RIMS2: variants seen among roughly 807,000 people sequenced by gnomAD.
RIMS2 encodes regulating synaptic membrane exocytosis protein 2.
A neutral mutation model predicts 174.4 loss-of-function variants in RIMS2; 59 were observed. The ratio of observed to expected loss-of-function variants is 0.34; its 90% CI spans 0.27 to 0.42. RIMS2 has a LOEUF of 0.42. Ranked by LOEUF, RIMS2 falls within the 10% of genes least tolerant of loss-of-function variation. RIMS2 has a pLI of 1.00. For synonymous variants in RIMS2, 606 were observed against 572.5 expected, an observed-to-expected ratio of 1.06 and a Z score of -0.84; for missense variants, 1,620 against 1,666.3, an observed-to-expected ratio of 0.97 and a Z score of 0.48.
intron 19 of RIMS2, among the ~76,000 whole-genome samples, chr8:104,123,254 A>T (rs1206606483): frequency 1.3e-5 from 2 of 152,040 alleles, no homozygotes; most frequent in East Asian, 3.9e-4. Flanking sequence ...ATGTATATGT[A>T]GAGGAAATGA....
intron 3 of RIMS2, among the ~76,000 whole-genome samples, chr8:103,834,875 A>G (rs1251569732): frequency 6.6e-6 from 1 of 151,376 alleles, no homozygotes; most frequent in East Asian, 2.0e-4. Context: ...GGCTCAAGCA[A>G]TCCTCTCACC....
At chr8:103,611,781 T>A (rs2095374467) in intron 1 of RIMS2, among the ~76,000 whole-genome samples, 2 of 152,120 alleles carry the variant, frequency 1.3e-5, no homozygotes, top group African/African-American at 4.8e-5. Context: ...TGCTTGGTGT[T>A]CTATAGCCTT....
At position 103,877,974 on chromosome 8, in the gene RIMS2, C is replaced by A. The variant is rs182555894; in HGVS notation, c.699-7324C>A. 4.0e-5 allele frequency among the ~76,000 whole-genome samples: 6 copies of A among 151,560 alleles called. No homozygotes were observed. The Admixed American group carries it at 4.0e-4, about 10-fold the overall frequency. On this transcript the variant is annotated intron_variant, in intron 3 of 23. Coordinates refer to ENST00000504942, the Ensembl canonical transcript of RIMS2. ...CTCTGATATGGTTAGGCTTTGTGTC[C>A]CCACCAAAATCTCATCTTGAATTGT...
intron 1 of RIMS2, among the ~76,000 whole-genome samples, chr8:103,554,766 A>G (rs1424457233): frequency 6.6e-6 from 1 of 152,188 alleles, no homozygotes; most frequent in East Asian, 1.9e-4. Context: ...TCTCAATAGT[A>G]AAGTCATGGA....
chr8:103,543,710 A>G (rs1843589422), intron 1 of RIMS2, among the ~76,000 whole-genome samples: 2 of 152,212 alleles, frequency 1.3e-5, no homozygotes, highest in African/African-American at 4.8e-5. Context: ...TAGTCAATTG[A>G]TCCTTGACAG....
chr8:104,101,269 G>GTT, intron 19 of RIMS2, among the ~76,000 whole-genome samples: 1 of 151,520 alleles, frequency 6.6e-6, no homozygotes, highest in Non-Finnish European at 1.5e-5. Flanking sequence ...TGAGATTACA[G>GTT]GCATGTGCCA....
At chr8:103,622,213 G>A (rs1319749557) in intron 1 of RIMS2, among the ~76,000 whole-genome samples, 2 of 152,008 alleles carry the variant, frequency 1.3e-5, no homozygotes, top group Non-Finnish European at 2.9e-5. Context: ...ATTTTAAGTA[G>A]AGCAACACAT....
At chr8:104,069,109 T>G (rs2154561390) in intron 19 of RIMS2, among the ~76,000 whole-genome samples, 1 of 152,298 alleles carries the variant, frequency 6.6e-6, no homozygotes, top group South Asian at 2.1e-4. Context: ...AACCATTCTG[T>G]TTTTCACTTT....
chr8:103,801,789 G>A (rs376157332), intron 3 of RIMS2, among the ~76,000 whole-genome samples: 17 of 152,078 alleles, frequency 1.1e-4, no homozygotes, highest in African/African-American at 3.9e-4. Flanking sequence ...TTCCTGTAGG[G>A]CATGACTTCA....
chr8:103,834,264 TTTAA>T (rs1368578696), intron 3 of RIMS2, among the ~76,000 whole-genome samples: 5 of 151,988 alleles, frequency 3.3e-5, no homozygotes, highest in African/African-American at 4.8e-5. Flanking sequence ...TAAAATATAA[TTTAA>T]TTGTTTTAAT....
intron 19 of RIMS2, among the ~76,000 whole-genome samples, chr8:104,159,991 T>C (rs945229171): frequency 6.6e-6 from 1 of 151,820 alleles, no homozygotes; most frequent in South Asian, 2.1e-4. Context: ...ATACAAAAAT[T>C]AGGTGGGCAT....
In RIMS2 at chr8:103,587,664, A is replaced by G. The variant is rs537854035; in HGVS notation, c.176+86602A>G. Among the ~76,000 whole-genome samples, 4 of 152,212 alleles carry G rather than the reference A, an allele frequency of 2.6e-5. No homozygotes were observed. The South Asian group carries it at 8.3e-4, about 32-fold the overall frequency. On this transcript the variant is annotated intron_variant, in intron 1 of 23. Coordinates refer to ENST00000504942, the Ensembl canonical transcript of RIMS2. ...CAAGAGAATAAAGGATAAAAACCAT[A>G]TGATCATTTTAATTGATGCTGAAAA... is the stretch of plus-strand genomic sequence containing the variant.
intron 1 of RIMS2, among the ~76,000 whole-genome samples, chr8:103,692,025 C>T (rs796970367): frequency 6.6e-6 from 1 of 152,216 alleles, no homozygotes; most frequent in African/African-American, 2.4e-5. Flanking sequence ...TGTTCTCTTT[C>T]CTTATTCTCT....
intron 2 of RIMS2, among the ~76,000 whole-genome samples, chr8:103,701,811 A>T (rs1327313699): frequency 6.6e-6 from 1 of 152,116 alleles, no homozygotes; most frequent in Non-Finnish European, 1.5e-5. Flanking sequence ...TATATATACA[A>T]CATTTTAGAA....
intron 19 of RIMS2, among the ~76,000 whole-genome samples, chr8:104,128,382 A>G (rs11996084): frequency 0.6 from 91,509 of 152,030 alleles, 29,880 homozygotes; most frequent in East Asian, 0.92. Flanking sequence ...TCTAAACTTT[A>G]AGGAATTAAG....
At chr8:103,674,123 C>T (rs1386827977) in intron 1 of RIMS2, among the ~76,000 whole-genome samples, 1 of 152,224 alleles carries the variant, frequency 6.6e-6, no homozygotes, top group Admixed American at 6.5e-5. Flanking sequence ...CAGTAAGGTT[C>T]TCATTTCCAT....
At chr8:103,821,258 GCCTTTAAAGCTCTCAT>G (rs1446098807) in intron 3 of RIMS2, among the ~76,000 whole-genome samples, 1 of 151,548 alleles carries the variant, frequency 6.6e-6, no homozygotes, top group Non-Finnish European at 1.5e-5. Context: ...TTCAGTAAGA[GCCTTTAAAGCTCTCAT>G]TAAAATCTGG....
At chr8:103,513,174 C>T (rs930353673) in intron 1 of RIMS2, among the ~76,000 whole-genome samples, 1 of 152,074 alleles carries the variant, frequency 6.6e-6, no homozygotes, top group African/African-American at 2.4e-5. Flanking sequence ...GTGAGCTGGG[C>T]CAGGGAATTA....
rs58750334 is a variant in RIMS2 at position 103,985,473 on chromosome 8, C to CAAAAAAAAAAAAAA, written c.2928-3815_2928-3802dup. On this transcript the variant is annotated intron_variant, in intron 16 of 23. Transcript: ENST00000504942. The stretch of plus-strand genomic sequence containing the variant: ...TGGGCAACAAAGCAAGACTCTGTCT[C>CAAAAAAAAAAAAAA]AAAAAAAAAAAAAAAAAAAAAAAAA... Among the ~76,000 whole-genome samples, 2 of 36,152 alleles carry CAAAAAAAAAAAAAA rather than the reference C, an allele frequency of 5.5e-5. 1 individual carries two copies. The highest frequency in any genetic ancestry group is 3.1e-4 in the African/African-American group (2 of 6,528). The allele number at this position is 36,152 out of a possible 152,430, so 23.7% of individuals were successfully genotyped here. A position where few individuals can be genotyped will look rare whatever the true frequency, so the allele number is the denominator to read the frequency against.
Sources: allele counts gnomAD v4.1 joint callset (sites outside exome capture counted in the v4.1 genomes callset), GRCh38; gene constraint gnomAD v4.1.1; transcripts MANE v1.5; gene names NCBI Gene and HGNC (gene_info 2026-07-23, HGNC 2026-07-21).